PCDHGA10: variants seen among roughly 807,000 people sequenced by gnomAD.
PCDHGA10 encodes the protein protocadherin gamma subfamily A, 10.
PCDHGA10 carries 42 observed loss-of-function variants against 59.5 expected under a neutral mutation model. The ratio of observed to expected loss-of-function variants is 0.71; its 90% confidence interval spans 0.55 to 0.91. PCDHGA10 has a LOEUF of 0.91. Among genes scored for constraint, PCDHGA10 ranks in the 40% least tolerant of loss-of-function variants. PCDHGA10 has a pLI of 0.00. For synonymous variants in PCDHGA10, 511 were observed against 517.2 expected, an observed-to-expected ratio of 0.99 and a Z score of 0.16; for missense variants, 1,111 against 1,198.2, an observed-to-expected ratio of 0.93 and a Z score of 1.07.
At chr5:141,419,151 C>T (rs2096335413) in intron 1 of PCDHGA10, 2 of 1,613,800 alleles carry the variant, frequency 1.2e-6, no homozygotes, top group African/African-American at 2.7e-5. Context: ...GGCAAGCCTC[C>T]GTTATCCTCC....
Position 141,454,796 on chromosome 5 carries a change from A to ATTTTTTTTTTTTT in PCDHGA10, c.2436+39202_2436+39214dup, listed in dbSNP as rs61612330. On this transcript the variant is annotated intron_variant, in intron 1 of 3. Coordinates refer to ENST00000398610, the MANE Select transcript of PCDHGA10 (RefSeq NM_018913.3). ...AAGGAAATAATCCTCCATGGTTCTAATTTTTTTTTTTTTTTTTTTTTTTTT... is the reference window on the plus strand; with the variant it reads ...AAGGAAATAATCCTCCATGGTTCTAATTTTTTTTTTTTTTTTTTTTTTTTTTTTTTTTTTTTTT... Among the ~76,000 whole-genome samples the ATTTTTTTTTTTTT allele has an allele frequency of 1.7e-3, 135 of 77,462 alleles. 8 individuals carry two copies. The highest frequency in any genetic ancestry group is 2.5e-3 in the Admixed American group (14 of 5,554). The allele number at this position is 77,462 out of a possible 152,430, so 50.8% of individuals were successfully genotyped here.
At chr5:141,441,073 G>A (rs1591647632) in intron 1 of PCDHGA10, 1 of 152,152 alleles carries the variant, frequency 6.6e-6, no homozygotes, top group Non-Finnish European at 1.5e-5. Flanking sequence ...AATTTCCATG[G>A]TTTTGGTAGC....
rs1231591874 is a variant in PCDHGA10 at position 141,431,615 on chromosome 5, G to T, written c.2436+16004G>T. The T allele has an allele frequency of 3.1e-6, 5 of 1,614,118 alleles. No homozygotes were observed. Among genetic ancestry groups the T allele is most frequent in the African/African-American group, 2.7e-5 (2 of 74,950 alleles). On this transcript the variant is annotated intron_variant, in intron 1 of 3. Transcript: ENST00000398610. The surrounding 1 kb of genome is among the most constrained non-coding windows in gnomAD (Gnocchi z 4.8). Reference sequence around the variant, plus strand: ...GAGGTATTCCTTCCGGTATGTGGACGACAAGGCGGCCCAAGTTTTCAAACT... The same window carrying T: ...GAGGTATTCCTTCCGGTATGTGGACTACAAGGCGGCCCAAGTTTTCAAACT...
intron 1 of PCDHGA10, among the ~76,000 whole-genome samples, chr5:141,451,493 T>C (rs1554137340): frequency 2.0e-5 from 3 of 152,230 alleles, no homozygotes; most frequent in Admixed American, 2.0e-4. Context: ...TGGACCTCCA[T>C]AGGGCAACCA....
chr5:141,427,151 G>A (rs1481629222), intron 1 of PCDHGA10: 1 of 456,934 alleles, frequency 2.2e-6, no homozygotes, highest in Admixed American at 2.3e-5. Flanking sequence ...TTGGAAATAT[G>A]TTTGTGCTAG....
rs777924092 is a variant in PCDHGA10 at position 141,487,482 on chromosome 5, A to T, written c.2437-7325A>T. The T allele has an allele frequency of 1.2e-6, 2 of 1,614,164 alleles. No individual in the cohort carries two copies. Among genetic ancestry groups the T allele is most frequent in the South Asian group, 2.2e-5 (2 of 91,086 alleles). ...TTTGTTGATGTGGGAGGCCACTCTCATGGCTGTACACCCTTGGCTTCTGCA... is the reference window on the plus strand; with the variant it reads ...TTTGTTGATGTGGGAGGCCACTCTCTTGGCTGTACACCCTTGGCTTCTGCA... On this transcript the variant is annotated intron_variant, in intron 1 of 3. Coordinates refer to ENST00000398610, the MANE Select transcript of PCDHGA10 (RefSeq NM_018913.3). The surrounding 1 kb of genome is among the most constrained non-coding windows in gnomAD (Gnocchi z 5.0).
At position 141,489,481 on chromosome 5, in the gene PCDHGA10, A is replaced by C; in HGVS notation, c.2437-5326A>C. 6.2e-7 allele frequency: 1 copy of C among 1,614,040 alleles called. No homozygotes were observed. The highest frequency in any genetic ancestry group is 8.5e-7 in the Non-Finnish European group (1 of 1,180,004). ...GCGCTATTTTTCCCTGAGCTTGATG[A>C]GTGGTGCCCTGGCAGTGAATCAAAA... is the stretch of plus-strand genomic sequence containing the variant. On this transcript the variant is annotated intron_variant, in intron 1 of 3. Transcript: ENST00000398610. The surrounding 1 kb of genome is among the most constrained non-coding windows in gnomAD (Gnocchi z 4.5).
At chr5:141,458,485 A>G (rs2098946793) in intron 1 of PCDHGA10, among the ~76,000 whole-genome samples, 1 of 151,558 alleles carries the variant, frequency 6.6e-6, no homozygotes, top group Non-Finnish European at 1.5e-5. Context: ...GAAAATGAGG[A>G]CTGCCTGTAC....
intron 1 of PCDHGA10, chr5:141,420,315 A>G (rs755723069): frequency 6.2e-6 from 9 of 1,440,144 alleles, no homozygotes; most frequent in Non-Finnish European, 8.4e-6. Context: ...TTATATTACA[A>G]TATGCCAATA....
Position 141,487,535 on chromosome 5 carries a change from G to A in PCDHGA10, c.2437-7272G>A. 6.2e-7 allele frequency: 1 copy of A among 1,614,154 alleles called. No individual in the cohort carries two copies. Among genetic ancestry groups the A allele is most frequent in the South Asian group, 1.1e-5 (1 of 91,084 alleles). ...CACTCGGAGTGATAGCTTCATGATG[G>A]TGAAGTCACCCAGTGCACCTATGGC... On this transcript the variant is annotated intron_variant, in intron 1 of 3. Transcript: ENST00000398610. This position sits in a 1 kb window ranked among gnomAD's most constrained non-coding sequence, Gnocchi z 5.0.
Position 141,414,792 on chromosome 5 carries a change from C to T in PCDHGA10, c.1617C>T (p.Ser539=), listed in dbSNP as rs2095788725. The T allele has an allele frequency of 3.7e-6, 6 of 1,614,230 alleles. No homozygotes were observed. The highest frequency in any genetic ancestry group is 2.7e-5 in the African/African-American group (2 of 75,068). Residue 539 remains serine, a synonymous_variant, in exon 1 of 4, where the codon AGC becomes AGT. Coordinates refer to ENST00000398610, the MANE Select transcript of PCDHGA10 (RefSeq NM_018913.3). Reference sequence around the variant, plus strand: ...AGCTACAGATGCAGGTGACAGCCAGCGACAGCGGGGATCCTCCACTCAGCA... The same window carrying T: ...AGCTACAGATGCAGGTGACAGCCAGTGACAGCGGGGATCCTCCACTCAGCA... ...FHELQMQVTA[S]DSGDPPLSSN...
In PCDHGA10 at chr5:141,414,152, A is replaced by G. The variant is rs1251267001; in HGVS notation, c.977A>G (p.Glu326Gly). ...TTCTATGAAATAGAAATACAAGCAG[A>G]AGATGGAGGAGCATATCTTGCAACT... ...TGFYEIEIQA[E>G]DGGAYLATAK... Residue 326 changes from glutamate (E) to glycine (G), a missense_variant, in exon 1 of 4, where the codon GAA becomes GGA. Glu to Gly is a moderately conservative substitution (Grantham distance 98). Transcript: ENST00000398610. The G allele has an allele frequency of 1.9e-6, 3 of 1,600,994 alleles. No individual in the cohort carries two copies. Among genetic ancestry groups the G allele is most frequent in the Non-Finnish European group, 2.6e-6 (3 of 1,173,442 alleles).
At chr5:141,496,869 A>G (rs2099772006) in intron 2 of PCDHGA10, among the ~76,000 whole-genome samples, 1 of 150,116 alleles carries the variant, frequency 6.7e-6, no homozygotes, top group African/African-American at 2.5e-5. Context: ...GAGACTGAAA[A>G]TTTGCAACAA....
intron 1 of PCDHGA10, among the ~76,000 whole-genome samples, chr5:141,456,736 G>A (rs1339661302): frequency 1.3e-5 from 2 of 151,924 alleles, no homozygotes; most frequent in Non-Finnish European, 2.9e-5. Context: ...AGGCTGAGGC[G>A]GGAGCATCAT....
At chr5:141,496,289 G>A (rs1347634489) in intron 2 of PCDHGA10, among the ~76,000 whole-genome samples, 3 of 152,224 alleles carry the variant, frequency 2.0e-5, no homozygotes, top group Non-Finnish European at 4.4e-5. Flanking sequence ...GGTCTGAGCA[G>A]AGTGGGATAG....
Position 141,494,802 on chromosome 5 carries a change from C to T in PCDHGA10, c.2437-5C>T. 5 of 1,614,120 alleles carry T rather than the reference C, an allele frequency of 3.1e-6. No individual in the cohort carries two copies. The highest frequency in any genetic ancestry group is 4.2e-6 in the Non-Finnish European group (5 of 1,180,016). ...TCAGCCCCTTTCCCTCTGTTTTCTC[C>T]ACAGCAAGCCCCGCCCAACACGGAC... is the stretch of plus-strand genomic sequence containing the variant. On this transcript the variant is annotated splice_polypyrimidine_tract_variant and splice_region_variant and intron_variant, in intron 1 of 3. Transcript: ENST00000398610.
chr5:141,442,650 G>A (rs192694987), intron 1 of PCDHGA10, among the ~76,000 whole-genome samples: 83 of 152,350 alleles, frequency 5.4e-4, no homozygotes, highest in Admixed American at 9.1e-4. Flanking sequence ...CCTAAGATGA[G>A]AAATATTTGG....
rs761718852 is a variant in PCDHGA10, at chr5:141,432,440, G to A, written c.2436+16829G>A. ...GCTGGACCAGAACGACAATGCGCCCGAGATCCTGTACCCCGCCCTCCCCAC... is the reference window on the plus strand; with the variant it reads ...GCTGGACCAGAACGACAATGCGCCCAAGATCCTGTACCCCGCCCTCCCCAC... On this transcript the variant is annotated intron_variant, in intron 1 of 3. Transcript: ENST00000398610. The surrounding 1 kb of genome is among the most constrained non-coding windows in gnomAD (Gnocchi z 6.0). 1.3e-5 allele frequency: 21 copies of A among 1,614,226 alleles called. No homozygotes were observed. Among genetic ancestry groups the A allele is most frequent in the Non-Finnish European group, 1.6e-5 (19 of 1,180,048 alleles).
intron 1 of PCDHGA10, chr5:141,423,846 C>G: frequency 1.6e-6 from 2 of 1,278,968 alleles, no homozygotes; most frequent in Non-Finnish European, 2.0e-6. Flanking sequence ...GATAATCTTT[C>G]AGAACGTTTT....
Sources: allele counts gnomAD v4.1 joint callset (sites outside exome capture counted in the v4.1 genomes callset), GRCh38; gene constraint gnomAD v4.1.1; non-coding constraint Gnocchi (gnomAD v3.1); transcripts MANE v1.5; gene names NCBI Gene and HGNC (gene_info 2026-07-23, HGNC 2026-07-21).